Variants in GPT2 observed in about 807,000 individuals in gnomAD.
GPT2 encodes glutamic--pyruvic transaminase 2.
GPT2 carries 30 observed loss-of-function variants against 56.9 expected under a neutral mutation model. The ratio of observed to expected loss-of-function variants is 0.53; its 90% CI spans 0.39 to 0.72. The LOEUF (loss-of-function observed/expected upper bound fraction) is 0.72. Ranked by LOEUF, GPT2 falls within the 30% of genes least tolerant of loss-of-function variation. The pLI, the probability that GPT2 is intolerant of heterozygous loss-of-function variation, is 0.00. For synonymous variants in GPT2, 271 were observed against 283.1 expected (o/e 0.96, Z 0.43); for missense variants, 542 against 703.4 (o/e 0.77, Z 2.60).
intron 2 of GPT2, among the ~76,000 whole-genome samples, chr16:46,887,501 A>C (rs1416471056): frequency 6.6e-6 from 1 of 152,148 alleles, no homozygotes; most frequent in African/African-American, 2.4e-5. Context: ...TAGAGATGGG[A>C]TGGGCTAGGA....
intron 8 of GPT2, among the ~76,000 whole-genome samples, chr16:46,921,259 C>T (rs1353092788): frequency 6.6e-6 from 1 of 152,154 alleles, no homozygotes; most frequent in South Asian, 2.1e-4. Flanking sequence ...ACCTCTGCCT[C>T]CCGGTCTTGG....
At position 46,927,053 on chromosome 16, in the gene GPT2, C is replaced by T. The variant is rs982327526; in HGVS notation, c.1481+16C>T. The stretch of plus-strand genomic sequence containing the variant: ...ACCACTTCAGGTATGACTTCCTCTC[C>T]GCACTAGGGGCTGGTCCGGGTCTTG... On this transcript the variant is annotated intron_variant, in intron 11 of 11. Coordinates refer to ENST00000340124, the MANE Select transcript of GPT2 (RefSeq NM_133443.4). The T allele has an allele frequency of 2.0e-5, 30 of 1,499,470 alleles. No homozygotes were observed. Among genetic ancestry groups the T allele is most frequent in the East Asian group, 1.6e-4 (7 of 43,928 alleles). 92.9% of individuals were successfully genotyped at this position (1,499,470 alleles called of 1,614,324 possible).
At chr16:46,889,997 C>T (rs1960556316) in intron 2 of GPT2, among the ~76,000 whole-genome samples, 1 of 152,210 alleles carries the variant, frequency 6.6e-6, no homozygotes, top group Non-Finnish European at 1.5e-5. Context: ...CCTGCTTCTG[C>T]CTTGGAATCT....
chr16:46,893,599 C>T (rs1269914665), intron 2 of GPT2, among the ~76,000 whole-genome samples: 1 of 152,180 alleles, frequency 6.6e-6, no homozygotes, highest in African/African-American at 2.4e-5. Flanking sequence ...TGGTGCGAGG[C>T]CTGTGGGTTG....
chr16:46,913,757 T>A (rs967187896), intron 6 of GPT2, among the ~76,000 whole-genome samples: 1 of 152,172 alleles, frequency 6.6e-6, no homozygotes, highest in Admixed American at 6.5e-5. Flanking sequence ...TATATATGTA[T>A]GTATATATAT....
chr16:46,924,682 G>C, intron 10 of GPT2, 138 bp downstream of exon 10: 2 of 863,712 alleles, frequency 2.3e-6, no homozygotes, highest in Non-Finnish European at 3.6e-6. Flanking sequence ...GCCAGAGGGT[G>C]TTGACCGTGT....
intron 11 of GPT2, among the ~76,000 whole-genome samples, chr16:46,927,538 G>T (rs910282192): frequency 2.0e-5 from 3 of 152,220 alleles, no homozygotes; most frequent in Non-Finnish European, 4.4e-5. Context: ...GCATGGATGG[G>T]AATGCCGGTG....
In GPT2 at chr16:46,929,099, G is replaced by A; in HGVS notation, c.*102G>A. ...GTGACTCTGCCTCGGGCCTCGCAGA[G>A]GCCGCTGGTCACTTCGTCATCATTT... is the stretch of plus-strand genomic sequence containing the variant. On this transcript the variant is annotated 3_prime_UTR_variant, in exon 12 of 12. Transcript: ENST00000340124. The A allele has an allele frequency of 5.9e-6, 5 of 853,854 alleles. No homozygotes were observed. The highest frequency in any genetic ancestry group is 9.9e-6 in the Non-Finnish European group (5 of 507,038). The allele number at this position is 853,854 out of a possible 1,614,324, so 52.9% of individuals were successfully genotyped here.
At chr16:46,893,420 C>T (rs1436526045) in intron 2 of GPT2, among the ~76,000 whole-genome samples, 1 of 152,232 alleles carries the variant, frequency 6.6e-6, no homozygotes, top group Non-Finnish European at 1.5e-5. Context: ...CTTGAATCAC[C>T]GTGCCTGACC....
rs1961524355 is a variant in GPT2 at position 46,930,539 on chromosome 16, A to G, written c.*1542A>G. On this transcript the variant is annotated 3_prime_UTR_variant, in exon 12 of 12. Coordinates refer to ENST00000340124, the MANE Select transcript of GPT2 (RefSeq NM_133443.4). ...AGCCCCTATGAAGAAAGTAGCCACAATCTCAAATAACAAAAGGGAATGTTC... is the reference window on the plus strand; with the variant it reads ...AGCCCCTATGAAGAAAGTAGCCACAGTCTCAAATAACAAAAGGGAATGTTC... The G allele has an allele frequency of 6.6e-6, 1 of 152,244 alleles. No individual in the cohort carries two copies. Among genetic ancestry groups the G allele is most frequent in the Non-Finnish European group, 1.5e-5 (1 of 68,042 alleles). 9.4% of individuals were successfully genotyped at this position (152,244 alleles called of 1,614,324 possible). A position where few individuals can be genotyped will look rare whatever the true frequency, so the allele number is the denominator to read the frequency against.
intron 2 of GPT2, among the ~76,000 whole-genome samples, chr16:46,894,385 C>T (rs1960644305): frequency 6.6e-6 from 1 of 152,236 alleles, no homozygotes; most frequent in East Asian, 1.9e-4. Flanking sequence ...CCAGGTTCAG[C>T]GAGCTAGACC....
intron 2 of GPT2, among the ~76,000 whole-genome samples, chr16:46,892,617 A>G (rs1960606614): frequency 1.3e-5 from 2 of 152,192 alleles, no homozygotes; most frequent in Admixed American, 6.5e-5. Context: ...TATAATAACC[A>G]TGCTAACAAG....
Position 46,927,001 on chromosome 16 carries a change from G to T in GPT2, c.1445G>T (p.Ser482Ile). The T allele has an allele frequency of 6.2e-7, 1 of 1,609,716 alleles. No homozygotes were observed. Among genetic ancestry groups the T allele is most frequent in the Non-Finnish European group, 8.5e-7 (1 of 1,178,164 alleles). The change falls in exon 11 of 12, where the codon AGT becomes ATT. Residue 482 changes from serine to isoleucine, a missense_variant. By Grantham distance (142) the Ser-to-Ile change is moderately radical. Coordinates refer to ENST00000340124, the MANE Select transcript of GPT2 (RefSeq NM_133443.4). ...EETGICVVPGSGFGQREGTYH... is the reference protein window; with the variant it reads ...EETGICVVPGIGFGQREGTYH... ...ACTGGCATCTGTGTCGTGCCCGGCA[G>T]TGGCTTTGGGCAGAGGGAAGGCACT...
intron 10 of GPT2, among the ~76,000 whole-genome samples, chr16:46,925,693 G>A (rs1455162001): frequency 6.6e-6 from 1 of 152,030 alleles, no homozygotes; most frequent in Non-Finnish European, 1.5e-5. Context: ...GCTGGGTGGT[G>A]CATGCCTGTG....
At chr16:46,900,828 G>C (rs745867964) in intron 4 of GPT2, 38 bp downstream of exon 4, 1 of 1,561,726 alleles carries the variant, frequency 6.4e-7, no homozygotes, top group Non-Finnish European at 8.8e-7. Context: ...GGCGTGAAAT[G>C]AATGAGTGTT....
intron 2 of GPT2, among the ~76,000 whole-genome samples, chr16:46,891,277 C>G (rs1229944680): frequency 1.3e-5 from 2 of 150,994 alleles, no homozygotes; most frequent in East Asian, 4.0e-4. Flanking sequence ...GAGTCTCGCT[C>G]TGTTGCCCAG....
intron 3 of GPT2, among the ~76,000 whole-genome samples, chr16:46,898,519 G>A (rs1354293858): frequency 6.6e-6 from 1 of 152,138 alleles, no homozygotes; most frequent in Non-Finnish European, 1.5e-5. Context: ...GAAGGACTGA[G>A]GCCTGTTTTG....
In GPT2 at chr16:46,929,280, C is replaced by A. The variant is rs1163962572; in HGVS notation, c.*283C>A. 2 of 402,232 alleles carry A rather than the reference C, an allele frequency of 5.0e-6. No individual in the cohort carries two copies. Among genetic ancestry groups the A allele is most frequent in the Non-Finnish European group, 9.3e-6 (2 of 215,950 alleles). The allele number at this position is 402,232 out of a possible 1,614,324, so 24.9% of individuals were successfully genotyped here. Reference sequence around the variant, plus strand: ...TTATTGTTTTTGCTTCTGGAAAGTTCATTTGGGGTTTACAACAACTAGGAT... The same window carrying A: ...TTATTGTTTTTGCTTCTGGAAAGTTAATTTGGGGTTTACAACAACTAGGAT... On this transcript the variant is annotated 3_prime_UTR_variant, in exon 12 of 12. Coordinates refer to ENST00000340124, the MANE Select transcript of GPT2 (RefSeq NM_133443.4).
intron 2 of GPT2, among the ~76,000 whole-genome samples, chr16:46,885,861 A>T (rs1960472475): frequency 6.6e-6 from 1 of 152,086 alleles, no homozygotes; most frequent in Non-Finnish European, 1.5e-5. Context: ...AAGATTTGTA[A>T]GAAGCTAATA....
Sources: allele counts gnomAD v4.1 joint callset (sites outside exome capture counted in the v4.1 genomes callset), GRCh38; gene constraint gnomAD v4.1.1; transcripts MANE v1.5; gene names NCBI Gene and HGNC (gene_info 2026-07-23, HGNC 2026-07-21).